The following WDR7 variants were observed in gnomAD, a reference collection of about 807,000 sequenced individuals.
WDR7 encodes WD repeat domain 7.
In WDR7, 46 loss-of-function variants were observed where a neutral mutation model predicts 169.4. The observed-to-expected ratio is 0.27, with a 90% CI of 0.21 to 0.35. The LOEUF is 0.35. Among genes scored for constraint, WDR7 ranks in the 10% least tolerant of loss-of-function variants. The pLI, the probability that WDR7 is intolerant of heterozygous loss-of-function variation, is 1.00. For missense variants in WDR7, 1,534 were observed against 1,859.3 expected (o/e 0.83, Z 3.22); for synonymous variants, 612 against 666.8 (o/e 0.92, Z 1.27).
chr18:56,999,619 ATGTTCTTTG>A, intron 26 of WDR7, among the ~76,000 whole-genome samples: 1 of 152,292 alleles, frequency 6.6e-6, no homozygotes, highest in East Asian at 1.9e-4. Flanking sequence ...TCAAGGAAAG[ATGTTCTTTG>A]TGTTGACAGC....
chr18:56,758,033 G>A (rs1030546405), intron 15 of WDR7, among the ~76,000 whole-genome samples: 11 of 151,870 alleles, frequency 7.2e-5, no homozygotes, highest in African/African-American at 2.7e-4. Flanking sequence ...AATGATTGAC[G>A]TGTTCAGAGA....
At chr18:56,939,188 T>C (rs533950408) in intron 24 of WDR7, 123 bp from the exon 25 acceptor site, 2 of 612,942 alleles carry the variant, frequency 3.3e-6, no homozygotes, top group African/African-American at 3.9e-5. Flanking sequence ...TTTGTTTTTA[T>C]TTTAAATACT....
At chr18:56,948,241 A>G (rs1026538632) in intron 25 of WDR7, among the ~76,000 whole-genome samples, 42 of 152,174 alleles carry the variant, frequency 2.8e-4, no homozygotes, top group African/African-American at 8.2e-4. Flanking sequence ...TTTCTTTTAT[A>G]GCAACTAGTA....
At chr18:56,672,172 G>T (rs577510770) in intron 1 of WDR7, among the ~76,000 whole-genome samples, 5 of 152,116 alleles carry the variant, frequency 3.3e-5, no homozygotes, top group Non-Finnish European at 7.4e-5. Context: ...TGAAATCCTA[G>T]ATAAATATGA....
intron 26 of WDR7, among the ~76,000 whole-genome samples, chr18:57,014,046 C>T (rs1361716108): frequency 6.6e-6 from 1 of 152,216 alleles, no homozygotes; most frequent in Non-Finnish European, 1.5e-5. Context: ...CACATCTTGG[C>T]TGGGCACAGT....
intron 19 of WDR7, among the ~76,000 whole-genome samples, chr18:56,799,595 T>C (rs1453699190): frequency 6.6e-6 from 1 of 152,180 alleles, no homozygotes; most frequent in Non-Finnish European, 1.5e-5. Flanking sequence ...TAAGACTTGG[T>C]ATGTACCACG....
At chr18:56,948,048 T>A (rs756843594) in intron 25 of WDR7, among the ~76,000 whole-genome samples, 109 of 152,234 alleles carry the variant, frequency 7.2e-4, no homozygotes, top group Non-Finnish European at 1.1e-3. Flanking sequence ...GGTTTTTTTT[T>A]AATGAAATTG....
At chr18:56,974,163 A>G (rs569539555) in intron 26 of WDR7, among the ~76,000 whole-genome samples, 1 of 152,224 alleles carries the variant, frequency 6.6e-6, no homozygotes, top group East Asian at 1.9e-4. Context: ...CCCATCTTTT[A>G]CAGTTATCTC....
chr18:56,946,306 G>A (rs2047102379), intron 25 of WDR7, among the ~76,000 whole-genome samples: 1 of 152,170 alleles, frequency 6.6e-6, no homozygotes, highest in Non-Finnish European at 1.5e-5. Context: ...TAAGAACATG[G>A]TGGCCCCGTT....
chr18:56,751,063 TTTTTTAAACTC>T (rs1010308560), intron 14 of WDR7, among the ~76,000 whole-genome samples: 10 of 152,314 alleles, frequency 6.6e-5, no homozygotes, highest in African/African-American at 2.4e-4. Flanking sequence ...TTTTTTTTCT[TTTTTTAAACTC>T]TTTTTCTGTG....
intron 21 of WDR7, among the ~76,000 whole-genome samples, chr18:56,908,602 G>A (rs1026367305): frequency 5.3e-5 from 8 of 152,146 alleles, no homozygotes; most frequent in African/African-American, 1.7e-4. Flanking sequence ...CCTTATTTTG[G>A]CAATTCAAAC....
intron 2 of WDR7, among the ~76,000 whole-genome samples, chr18:56,676,773 A>G (rs1198634046): frequency 2.6e-5 from 4 of 151,020 alleles, no homozygotes; most frequent in Admixed American, 6.6e-5. Flanking sequence ...GTGGAGTGGC[A>G]TGACCTTGGC....
At chr18:56,757,481 C>T (rs1337871246) in intron 15 of WDR7, 129 bp downstream of exon 15, 4 of 947,642 alleles carry the variant, frequency 4.2e-6, no homozygotes, top group Non-Finnish European at 5.9e-6. Flanking sequence ...CAGTTGTTTC[C>T]CTTTTACATT....
intron 2 of WDR7, among the ~76,000 whole-genome samples, chr18:56,678,315 A>G (rs534357439): frequency 1.3e-5 from 2 of 151,964 alleles, no homozygotes; most frequent in Non-Finnish European, 2.9e-5. Context: ...GTTTTCCTGG[A>G]TGGTCTTGAT....
intron 27 of WDR7, among the ~76,000 whole-genome samples, chr18:57,026,646 T>G (rs544092163): frequency 6.6e-6 from 1 of 152,334 alleles, no homozygotes; most frequent in Non-Finnish European, 1.5e-5. Context: ...GTTAGCATTG[T>G]GGTAAAGAAC....
intron 14 of WDR7, among the ~76,000 whole-genome samples, chr18:56,751,820 A>C (rs1435620427): frequency 6.6e-6 from 1 of 152,224 alleles, no homozygotes; most frequent in Admixed American, 6.5e-5. Flanking sequence ...GCATTTGAAA[A>C]AGAAAATATC....
rs1474160519 is a variant in WDR7 at position 57,027,084 on chromosome 18, C to G, written c.4350C>G (p.Pro1450=). Residue 1450 remains proline, a synonymous_variant, in exon 28 of 28, where the codon CCC becomes CCG. Transcript: ENST00000254442. ...GCTGCATTAAAACCTACCAGGTGCC[C>G]CCTGTGCAGCCCGCGTCCCCCGGCT... is the stretch of plus-strand genomic sequence containing the variant. ...QLRCIKTYQV[P]PVQPASPGSH... 6.2e-7 allele frequency: 1 copy of G among 1,614,184 alleles called. No homozygotes were observed. The highest frequency in any genetic ancestry group is 2.2e-5 in the East Asian group (1 of 44,878).
Position 57,029,149 on chromosome 18 carries a change from CTG to C in WDR7, c.*1948_*1949del, listed in dbSNP as rs1229891674. The C allele has an allele frequency of 6.6e-6, 1 of 152,160 alleles. No homozygotes were observed. The highest frequency in any genetic ancestry group is 6.5e-5 in the Admixed American group (1 of 15,286). 9.4% of individuals were successfully genotyped at this position (152,160 alleles called of 1,614,324 possible). On this transcript the variant is annotated 3_prime_UTR_variant, in exon 28 of 28. Coordinates refer to ENST00000254442, the MANE Select transcript of WDR7 (RefSeq NM_015285.3). ...TAGCATTTTCTTTAACAAAAATGTT[CTG>C]TGTGTCAGGAAAGAGGTGTGAGAGT...
intron 19 of WDR7, among the ~76,000 whole-genome samples, chr18:56,782,729 A>G (rs1055482760): frequency 1.3e-5 from 2 of 152,184 alleles, no homozygotes; most frequent in African/African-American, 4.8e-5. Context: ...GAAAATGAAA[A>G]CAAAATTCAG....
Sources: gnomAD v4.1 joint callset for allele counts (sites outside exome capture counted in the v4.1 genomes callset) on GRCh38, gnomAD v4.1.1 for gene constraint, MANE v1.5 for transcripts, NCBI Gene and HGNC (gene_info 2026-07-23, HGNC 2026-07-21) for gene names.